BRD9: variants seen among roughly 807,000 people sequenced by gnomAD.
BRD9 encodes bromodomain containing 9.
BRD9 carries 47 observed loss-of-function variants against 68.7 expected under a neutral mutation model. The observed-to-expected ratio is 0.68, with a 90% CI of 0.54 to 0.87. The LOEUF (loss-of-function observed/expected upper bound fraction) is 0.87. Ranked by LOEUF, BRD9 falls within the 40% of genes least tolerant of loss-of-function variation. The pLI is 0.00. For synonymous variants in BRD9, 313 were observed against 293.9 expected (o/e 1.06, Z -0.67); for missense variants, 670 against 748.4 (o/e 0.90, Z 1.22).
In BRD9 at chr5:870,567, G is replaced by A. The variant is rs144880399; in HGVS notation, c.1431C>T (p.Asp477=). 82 of 1,612,740 alleles carry A rather than the reference G, an allele frequency of 5.1e-5. No homozygotes were observed. In the African/African-American group the frequency reaches 1.1e-3, roughly 21 times the overall value. ...MKPPDEAKVG[D]TLGDSSSSVL... is the part of the protein sequence containing the mutation. Reference sequence around the variant, plus strand: ...CAGAGCTGCTGCTGTCTCCTAGGGTGTCCCCAACCTGTGGAGACAGACACA... The same window carrying A: ...CAGAGCTGCTGCTGTCTCCTAGGGTATCCCCAACCTGTGGAGACAGACACA... Residue 477 remains aspartate, a synonymous_variant, in exon 14 of 16, where the codon GAC becomes GAT. Transcript: ENST00000467963.
At position 870,506 on chromosome 5, in the gene BRD9, C is replaced by T. The variant is rs765909885; in HGVS notation, c.1492G>A (p.Val498Ile). 1.5e-5 allele frequency: 25 copies of T among 1,614,170 alleles called. No homozygotes were observed. Among genetic ancestry groups the T allele is most frequent in the South Asian group, 4.4e-5 (4 of 91,088 alleles). ...EFMSMKSYPD[V>I]SVDISMLSSL... ...CTGAGCATGGAGATATCCACAGAAA[C>T]GTCGGGATAGGACTTCATCGACATG... The change falls in exon 14 of 16, where the codon GTT (valine) becomes ATT (isoleucine). Residue 498 changes from valine to isoleucine, a missense_variant. Val to Ile is a conservative substitution (Grantham distance 29). Coordinates refer to ENST00000467963, the MANE Select transcript of BRD9 (RefSeq NM_023924.5).
rs752613246 is a variant in BRD9, at chr5:889,624, G to A, written c.424C>T (p.Gln142Ter). The A allele has an allele frequency of 6.2e-7, 1 of 1,613,582 alleles. No homozygotes were observed. The highest frequency in any genetic ancestry group is 8.5e-7 in the Non-Finnish European group (1 of 1,179,750). Residue 142 changes from glutamine to a stop codon, truncating the protein, a stop_gained, in exon 4 of 16, where the codon CAG (glutamine) becomes TAG (stop). Coordinates refer to ENST00000467963, the MANE Select transcript of BRD9 (RefSeq NM_023924.5). LOFTEE classifies it high-confidence loss of function. ...CGGAGGAAGTGTTCCAGGAGTTGCTGAATAGGTGTGCTCTCATTTTCGGCT... is the reference window on the plus strand; with the variant it reads ...CGGAGGAAGTGTTCCAGGAGTTGCTAAATAGGTGTGCTCTCATTTTCGGCT... ...QPAENESTPI[Q>*]QLLEHFLRQL... is the part of the protein sequence containing the mutation.
intron 2 of BRD9, 92 bp downstream of exon 2, chr5:891,548 G>A: frequency 6.7e-7 from 1 of 1,487,036 alleles, no homozygotes; most frequent in South Asian, 1.3e-5. Flanking sequence ...CCCTCCTCCA[G>A]CCACGCAGGC....
intron 14 of BRD9, chr5:865,787 A>G (rs1749298897): frequency 1.8e-6 from 1 of 548,408 alleles, no homozygotes; most frequent in East Asian, 3.1e-5. Flanking sequence ...GAAGGCAGAC[A>G]CCCAGCGTCC....
At chr5:886,486 C>T in intron 7 of BRD9, 106 bp downstream of exon 7, 1 of 1,106,042 alleles carries the variant, frequency 9.0e-7, no homozygotes, top group Non-Finnish European at 1.3e-6. Context: ...GTCTATGTGA[C>T]ATGACATCCG....
chr5:884,870 C>T lies in BRD9; in HGVS notation c.834-800G>A, dbSNP rs80047407. On this transcript the variant is annotated intron_variant, in intron 7 of 15. Coordinates refer to ENST00000467963, the MANE Select transcript of BRD9 (RefSeq NM_023924.5). ...CACCTGCGTGAGCCCATTACCGATG[C>T]GCACTGCTGTGACACTAGGTGAAGG... 6.1e-3 allele frequency among the ~76,000 whole-genome samples: 936 copies of T among 152,368 alleles called. 3 individuals carry two copies. Among genetic ancestry groups the T allele is most frequent in the Non-Finnish European group, 9.8e-3 (664 of 68,032 alleles).
intron 14 of BRD9, chr5:868,504 G>A (rs1271699477): frequency 6.6e-6 from 1 of 152,268 alleles, no homozygotes; most frequent in Non-Finnish European, 1.5e-5. Flanking sequence ...TGGCATCTGG[G>A]GTCCCCCCCA....
At chr5:880,538 C>T (rs561996219) in intron 9 of BRD9, among the ~76,000 whole-genome samples, 4,337 of 152,126 alleles carry the variant, frequency 0.029, 216 homozygotes, top group African/African-American at 0.1. Flanking sequence ...AGAGGCAACC[C>T]GTGCCAGGCT....
chr5:884,772 TAC>T (rs1302528731), intron 7 of BRD9, among the ~76,000 whole-genome samples: 1 of 152,218 alleles, frequency 6.6e-6, no homozygotes, highest in Non-Finnish European at 1.5e-5. Context: ...TTGCCTGACC[TAC>T]AGTGACAACC....
chr5:878,325 A>C (rs1313396684), intron 11 of BRD9, 30 bp downstream of exon 11: 1 of 1,610,418 alleles, frequency 6.2e-7, no homozygotes, highest in Admixed American at 1.7e-5. Context: ...GCTGCACAGC[A>C]GCCAAGGGCT....
At position 871,527 on chromosome 5, in the gene BRD9, T is replaced by G. The variant is rs1259047864; in HGVS notation, c.1421A>C (p.Lys474Thr). The G allele has an allele frequency of 6.2e-7, 1 of 1,614,128 alleles. No individual in the cohort carries two copies. The highest frequency in any genetic ancestry group is 8.5e-7 in the Non-Finnish European group (1 of 1,179,948). Residue 474 changes from lysine to threonine, a missense_variant and splice_region_variant, in exon 13 of 16, where the codon AAG (lysine) becomes ACG (threonine). Physicochemically the swap from Lys to Thr is moderately conservative, Grantham distance 78. This residue lies in a region of BRD9 where 280 missense variants were observed against 281.5 expected (regional missense o/e 0.99). Coordinates refer to ENST00000467963, the MANE Select transcript of BRD9 (RefSeq NM_023924.5). ...NVPMKPPDEA[K>T]VGDTLGDSSS... is the part of the protein sequence containing the mutation. ...GCCCTTCCATGTTCAAAAACTTACC[T>G]TGGCTTCATCTGGAGGCTTCATGGG...
Position 889,057 on chromosome 5 carries a change from A to C in BRD9, c.570T>G (p.Ile190Met). ...PMDFGTMKDK[I>M]VANEYKSVTE... ...TAACTGACTTGTATTCATTAGCTAC[A>C]ATTTTGTCTTTCATGGTGCCAAAAT... is the stretch of plus-strand genomic sequence containing the variant. The change falls in exon 5 of 16, where the codon ATT (isoleucine) becomes ATG (methionine). Residue 190 changes from isoleucine (I) to methionine (M), a missense_variant. Transcript: ENST00000467963. 1 of 1,609,986 alleles carries C rather than the reference A, an allele frequency of 6.2e-7. No individual in the cohort carries two copies.
In BRD9 at chr5:892,750, G is replaced by A. The variant is rs1753654498; in HGVS notation, c.-93C>T. On this transcript the variant is annotated 5_prime_UTR_variant, in exon 1 of 16. Transcript: ENST00000467963. ...CACCGCCCCCTGGCCCTGGCTGGCCGCCCGCGCTCGCTGCGCCGAGGTTGC... is the reference window on the plus strand; with the variant it reads ...CACCGCCCCCTGGCCCTGGCTGGCCACCCGCGCTCGCTGCGCCGAGGTTGC... 3.4e-6 allele frequency: 4 copies of A among 1,170,552 alleles called. No homozygotes were observed. Among genetic ancestry groups the A allele is most frequent in the Non-Finnish European group, 4.3e-6 (4 of 931,758 alleles). 72.5% of individuals were successfully genotyped at this position (1,170,552 alleles called of 1,614,324 possible).
intron 5 of BRD9, among the ~76,000 whole-genome samples, 155 bp from the exon 6 acceptor site, chr5:887,626 TAA>T (rs1400317483): frequency 2.0e-5 from 3 of 152,358 alleles, no homozygotes; most frequent in South Asian, 4.1e-4. Context: ...TTTAAGAACT[TAA>T]GAGAAGTTTT....
chr5:877,202 G>A (rs1751079272), intron 11 of BRD9, among the ~76,000 whole-genome samples: 1 of 152,246 alleles, frequency 6.6e-6, no homozygotes, highest in African/African-American at 2.4e-5. Context: ...CGTGGACAGG[G>A]AGCCGACTGC....
rs759634965 is a variant in BRD9 at position 889,051 on chromosome 5, A to G, written c.576T>C (p.Ala192=). The change falls in exon 5 of 16, where the codon GCT becomes GCC. Residue 192 remains alanine (A), a synonymous_variant. Transcript: ENST00000467963. ...DFGTMKDKIV[A]NEYKSVTEFK... ...ATTCCGTAACTGACTTGTATTCATTAGCTACAATTTTGTCTTTCATGGTGC... is the reference window on the plus strand; with the variant it reads ...ATTCCGTAACTGACTTGTATTCATTGGCTACAATTTTGTCTTTCATGGTGC... 1.9e-6 allele frequency: 3 copies of G among 1,609,888 alleles called. No homozygotes were observed. Among genetic ancestry groups the G allele is most frequent in the Non-Finnish European group, 2.5e-6 (3 of 1,178,984 alleles).
intron 5 of BRD9, chr5:888,343 C>T (rs1169328707): frequency 6.6e-6 from 1 of 152,318 alleles, no homozygotes; most frequent in Non-Finnish European, 1.5e-5. Flanking sequence ...ATCCTCTCAT[C>T]GAGTTTCCTT....
Position 878,371 on chromosome 5 carries a change from C to G in BRD9, c.1255G>C (p.Val419Leu), listed in dbSNP as rs748377915. ...GACACTTGCCTCAGCGCACACTGCA[C>G]GCCTGTCTCATCTCCGTAGGCTGAG... The part of the protein sequence containing the change: ...LYSAYGDETG[V>L]QCALSLQEFV... The change falls in exon 11 of 16, where the codon GTG becomes CTG. Residue 419 changes from valine (V) to leucine (L), a missense_variant. Physicochemically the swap from Val to Leu is conservative, Grantham distance 32 (BLOSUM62 1). Coordinates refer to ENST00000467963, the MANE Select transcript of BRD9 (RefSeq NM_023924.5). 6.2e-7 allele frequency: 1 copy of G among 1,613,584 alleles called. No homozygotes were observed. Among genetic ancestry groups the G allele is most frequent in the Admixed American group, 1.7e-5 (1 of 59,960 alleles).
In BRD9 at chr5:867,128, G is replaced by A. The variant is rs553423442; in HGVS notation, c.1526-1547C>T. Reference sequence around the variant, plus strand: ...CATGGCTAAAAGGGGCCAAGGTACAGGGCTAAAAGGGTCGATGCTTCAGAG... The same window carrying A: ...CATGGCTAAAAGGGGCCAAGGTACAAGGCTAAAAGGGTCGATGCTTCAGAG... On this transcript the variant is annotated intron_variant, in intron 14 of 15. Transcript: ENST00000467963. Among the ~76,000 whole-genome samples the A allele has an allele frequency of 7.9e-5, 12 of 152,280 alleles. No individual in the cohort carries two copies. In the South Asian group the frequency reaches 1.9e-3, roughly 24 times the overall value.
Sources: gnomAD v4.1 joint callset for allele counts (sites outside exome capture counted in the v4.1 genomes callset) on GRCh38, gnomAD v4.1.1 for gene constraint, gnomAD v4.1.1 regional missense constraint, MANE v1.5 for transcripts, NCBI Gene and HGNC (gene_info 2026-07-23, HGNC 2026-07-21) for gene names.